GOPC: variants seen among roughly 807,000 people sequenced by gnomAD.
The protein encoded by GOPC is Golgi-associated PDZ and coiled-coil motif-containing protein.
A neutral mutation model predicts 51.2 loss-of-function variants in GOPC; 32 were observed. The observed-to-expected ratio is 0.63, with a 90% CI of 0.47 to 0.84. The LOEUF (loss-of-function observed/expected upper bound fraction) is 0.84. Ranked by LOEUF, GOPC falls within the 40% of genes least tolerant of loss-of-function variation. GOPC has a pLI of 0.00. For synonymous variants in GOPC, 190 were observed against 205.1 expected (o/e 0.93, Z 0.63); for missense variants, 441 against 555.5 (o/e 0.79, Z 2.07).
At position 117,590,094 on chromosome 6, in the gene GOPC, T is replaced by A. The variant is rs1780092949; in HGVS notation, c.286-11030A>T. On this transcript the variant is annotated intron_variant, in intron 1 of 8. Transcript: ENST00000368498. ...AACAAGACAGATACCATCCTAGCTC[T>A]CATGAAGCTTATATTACAGAATGAT... Among the ~76,000 whole-genome samples, 3 of 152,190 alleles carry A rather than the reference T, an allele frequency of 2.0e-5. No individual in the cohort carries two copies. In the South Asian group the frequency reaches 6.2e-4, roughly 31 times the overall value.
intron 3 of GOPC, among the ~76,000 whole-genome samples, chr6:117,576,297 GA>G (rs916665444): frequency 1.1e-4 from 16 of 151,446 alleles, no homozygotes; most frequent in South Asian, 2.1e-4. Flanking sequence ...CAATTTCTGG[GA>G]AAAAAAAGAT....
rs114672272 is a variant in GOPC at position 117,570,511 on chromosome 6, C to T, written c.912+349G>A. 3.5e-3 allele frequency among the ~76,000 whole-genome samples: 537 copies of T among 152,072 alleles called. 3 individuals carry two copies. Among genetic ancestry groups the T allele is most frequent in the African/African-American group, 0.012 (490 of 41,492 alleles). ...ATAAATGAGGCAAGAGAAAGATACA[C>T]GTACTCCGAGAGAGAACAATACAAT... On this transcript the variant is annotated intron_variant, in intron 6 of 8. Transcript: ENST00000368498.
chr6:117,570,447 T>C (rs1170345496), intron 6 of GOPC, among the ~76,000 whole-genome samples: 1 of 151,566 alleles, frequency 6.6e-6, no homozygotes, highest in Non-Finnish European at 1.5e-5. Flanking sequence ...AAAGAATATA[T>C]AACATTTGGA....
intron 1 of GOPC, among the ~76,000 whole-genome samples, chr6:117,584,317 A>G (rs1271088320): frequency 6.6e-6 from 1 of 152,142 alleles, no homozygotes; most frequent in Non-Finnish European, 1.5e-5. Context: ...GATCCCACAG[A>G]TTGAGGGCTC....
At chr6:117,588,035 T>A (rs1228894625) in intron 1 of GOPC, among the ~76,000 whole-genome samples, 2 of 152,116 alleles carry the variant, frequency 1.3e-5, no homozygotes, top group African/African-American at 2.4e-5. Flanking sequence ...TGGTCATTTT[T>A]AAATTTTTTT....
intron 6 of GOPC, among the ~76,000 whole-genome samples, chr6:117,570,248 G>GT (rs983071538): frequency 9.9e-5 from 15 of 150,974 alleles, no homozygotes; most frequent in African/African-American, 3.4e-4. Flanking sequence ...AAAAAAAAAG[G>GT]TAAGTATTCA....
intron 8 of GOPC, among the ~76,000 whole-genome samples, chr6:117,566,466 C>T (rs192613108): frequency 1.1e-4 from 17 of 152,256 alleles, no homozygotes; most frequent in Non-Finnish European, 2.4e-4. Flanking sequence ...ATACTTCATA[C>T]TTATTCATAA....
intron 1 of GOPC, among the ~76,000 whole-genome samples, chr6:117,589,720 C>G (rs1188456377): frequency 6.6e-6 from 1 of 152,078 alleles, no homozygotes; most frequent in Non-Finnish European, 1.5e-5. Flanking sequence ...ATAAATCTGA[C>G]AAGTAATTTG....
chr6:117,585,640 G>C (rs1431557281), intron 1 of GOPC, among the ~76,000 whole-genome samples: 3 of 152,094 alleles, frequency 2.0e-5, no homozygotes, highest in Non-Finnish European at 2.9e-5. Context: ...GGCAATAATA[G>C]AAAAAATGGG....
chr6:117,570,213 A>ATTCTTTTATG (rs1377530077), intron 6 of GOPC, among the ~76,000 whole-genome samples: 1 of 150,700 alleles, frequency 6.6e-6, no homozygotes, highest in Admixed American at 6.6e-5. Flanking sequence ...GCTAAAATGT[A>ATTCTTTTATG]TGCTCTTTGA....
chr6:117,593,781 T>C (rs1164929402), intron 1 of GOPC, among the ~76,000 whole-genome samples: 3 of 152,200 alleles, frequency 2.0e-5, no homozygotes, highest in African/African-American at 7.2e-5. Flanking sequence ...CATTCATCTA[T>C]CTATTCAGGC....
chr6:117,599,659 A>G (rs1771960282), intron 1 of GOPC, among the ~76,000 whole-genome samples: 1 of 152,250 alleles, frequency 6.6e-6, no homozygotes, highest in Admixed American at 6.5e-5. Flanking sequence ...TCAAGCATAA[A>G]AAATATGCTC....
chr6:117,576,706 A>G (rs954264328), intron 3 of GOPC, among the ~76,000 whole-genome samples: 5 of 152,104 alleles, frequency 3.3e-5, no homozygotes, highest in Non-Finnish European at 5.9e-5. Flanking sequence ...TGGGCCCGAA[A>G]TTAACAGAGG....
chr6:117,575,221 C>T lies in GOPC; in HGVS notation c.606G>A (p.Gly202=). ...HIAVLQAEVY[G]ARLAAKYLDK... ...CCAAGTACTTGGCAGCTAGTCTCGCCCCATATACTTCAGCCTGGAGAACAG... is the reference window on the plus strand; with the variant it reads ...CCAAGTACTTGGCAGCTAGTCTCGCTCCATATACTTCAGCCTGGAGAACAG... Residue 202 remains glycine (G), a synonymous_variant, in exon 4 of 9, where the codon GGG becomes GGA. Transcript: ENST00000368498. 3 of 1,612,288 alleles carry T rather than the reference C, an allele frequency of 1.9e-6. No individual in the cohort carries two copies. Among genetic ancestry groups the T allele is most frequent in the Non-Finnish European group, 2.5e-6 (3 of 1,179,548 alleles).
intron 1 of GOPC, among the ~76,000 whole-genome samples, chr6:117,595,885 T>C (rs1426137579): frequency 6.6e-6 from 1 of 152,194 alleles, no homozygotes; most frequent in Non-Finnish European, 1.5e-5. Flanking sequence ...CTTTTTCATA[T>C]AATGACTTCT....
At chr6:117,564,594 T>C (rs1779656223) in intron 8 of GOPC, among the ~76,000 whole-genome samples, 2 of 152,126 alleles carry the variant, frequency 1.3e-5, no homozygotes, top group African/African-American at 4.8e-5. Flanking sequence ...CAATAACCAA[T>C]AGATACATTT....
chr6:117,561,112 G>A lies in GOPC; in HGVS notation c.*2142C>T, dbSNP rs1779576542. The A allele has an allele frequency of 4.5e-6, 1 of 223,540 alleles. No individual in the cohort carries two copies. Among genetic ancestry groups the A allele is most frequent in the Non-Finnish European group, 8.9e-6 (1 of 112,010 alleles). The allele number at this position is 223,540 out of a possible 1,614,324, so 13.8% of individuals were successfully genotyped here. Reference sequence around the variant, plus strand: ...CCGTAGGCTTATAAACCACAGTGAAGCAGGAATGAAAAGGAAACTGACCTG... The same window carrying A: ...CCGTAGGCTTATAAACCACAGTGAAACAGGAATGAAAAGGAAACTGACCTG... On this transcript the variant is annotated 3_prime_UTR_variant, in exon 9 of 9. Coordinates refer to ENST00000368498, the MANE Select transcript of GOPC (RefSeq NM_020399.4).
Position 117,566,886 on chromosome 6 carries a change from T to C in GOPC, c.1226A>G (p.Lys409Arg). 6.3e-7 allele frequency: 1 copy of C among 1,592,980 alleles called. No individual in the cohort carries two copies. Among genetic ancestry groups the C allele is most frequent in the South Asian group, 1.2e-5 (1 of 86,010 alleles). Reference sequence around the variant, plus strand: ...TACTTTGATTTCCCCACTTGTGTCTTTGCAACTAGCACCAGGGTTACCACC... The same window carrying C: ...TACTTTGATTTCCCCACTTGTGTCTCTGCAACTAGCACCAGGGTTACCACC... ...EGGGNPGASC[K>R]DTSGEIKVLQ... is the part of the protein sequence containing the mutation. Residue 409 changes from lysine (K) to arginine (R), a missense_variant, in exon 8 of 9, where the codon AAA becomes AGA. By Grantham distance (26) the Lys-to-Arg change is conservative. Transcript: ENST00000368498.
rs777260674 is a variant in GOPC, at chr6:117,602,242, C to T, written c.47G>A (p.Gly16Glu). 2 of 1,601,866 alleles carry T rather than the reference C, an allele frequency of 1.2e-6. No individual in the cohort carries two copies. Among genetic ancestry groups the T allele is most frequent in the South Asian group, 2.2e-5 (2 of 91,046 alleles). ...GGCCCCCACGGAGCAGGAGGCGCCC[C>T]CTGGGCCCCCTCCGGCTGCTGCTGG... ...PCPAAAGGGP[G>E]GASCSVGAPG... The change falls in exon 1 of 9, where the codon GGG becomes GAG. Residue 16 changes from glycine (G) to glutamate (E), a missense_variant. Gly to Glu is a moderately conservative substitution (Grantham distance 98). This residue lies in a region of GOPC where 204 missense variants were observed against 219.8 expected (regional missense o/e 0.93). Coordinates refer to ENST00000368498, the MANE Select transcript of GOPC (RefSeq NM_020399.4).
Sources: gnomAD v4.1 joint callset for allele counts (sites outside exome capture counted in the v4.1 genomes callset) on GRCh38, gnomAD v4.1.1 for gene constraint, gnomAD v4.1.1 regional missense constraint, MANE v1.5 for transcripts, NCBI Gene and HGNC (gene_info 2026-07-23, HGNC 2026-07-21) for gene names.